Variants in LIMD1 observed in about 807,000 individuals in gnomAD.
LIMD1 encodes LIM domain containing 1.
LIMD1 carries 23 observed loss-of-function variants against 58.4 expected under a neutral mutation model. The observed-to-expected ratio is 0.39, with a 90% CI of 0.28 to 0.56. LIMD1 has a LOEUF of 0.56. Among genes scored for constraint, LIMD1 ranks in the 20% least tolerant of loss-of-function variants. The probability of loss-of-function intolerance (pLI) is 0.57; values close to 1 mark genes in which losing one functional copy is unlikely to be tolerated. For missense variants in LIMD1, 838 were observed against 855.5 expected (o/e 0.98, Z 0.25); for synonymous variants, 334 against 345.5 (o/e 0.97, Z 0.37).
intron 2 of LIMD1, among the ~76,000 whole-genome samples, chr3:45,650,195 CTCATT>C (rs1217697830): frequency 6.6e-6 from 1 of 152,102 alleles, no homozygotes; most frequent in Non-Finnish European, 1.5e-5. Context: ...TTCTTTTCCT[CTCATT>C]TCATTTTGGA....
intron 1 of LIMD1, among the ~76,000 whole-genome samples, chr3:45,610,668 C>T (rs1239187728): frequency 6.6e-6 from 1 of 152,084 alleles, no homozygotes; most frequent in African/African-American, 2.4e-5. Context: ...AGACCTTGGG[C>T]GGGTTGTTCA....
At chr3:45,676,668 C>G (rs1169835412) in intron 7 of LIMD1, among the ~76,000 whole-genome samples, 1 of 152,222 alleles carries the variant, frequency 6.6e-6, no homozygotes, top group African/African-American at 2.4e-5. Context: ...TTTACATCCT[C>G]TTTTTGTCCT....
chr3:45,625,887 G>C (rs747326056), intron 1 of LIMD1, among the ~76,000 whole-genome samples: 4 of 152,162 alleles, frequency 2.6e-5, no homozygotes, highest in Non-Finnish European at 4.4e-5. Context: ...GCACAAAATG[G>C]ATTAAGATAT....
At chr3:45,644,814 G>A (rs1701884520) in intron 2 of LIMD1, among the ~76,000 whole-genome samples, 1 of 152,196 alleles carries the variant, frequency 6.6e-6, no homozygotes, top group Non-Finnish European at 1.5e-5. Flanking sequence ...CTGCCTTGGG[G>A]TTGTGTGACA....
chr3:45,681,385 A>G lies in LIMD1; in HGVS notation c.*4326A>G, dbSNP rs1171734123. ...CATAGGTAGCAAACCTGTGAAGGGT[A>G]TGAGATTTTACCCTACTTGCAGGCT... is the stretch of plus-strand genomic sequence containing the variant. On this transcript the variant is annotated 3_prime_UTR_variant, in exon 8 of 8. Transcript: ENST00000273317. The G allele has an allele frequency of 1.3e-5, 2 of 152,218 alleles. No homozygotes were observed. The highest frequency in any genetic ancestry group is 1.3e-4 in the Admixed American group (2 of 15,284). The allele number at this position is 152,218 out of a possible 1,614,324, so 9.4% of individuals were successfully genotyped here.
In LIMD1 at chr3:45,683,251, G is replaced by A. The variant is rs1333094486; in HGVS notation, c.*6192G>A. ...GACAGGGACATCTCTGAAGGGGAGG[G>A]AAGCAGGAGATAGGGTCTGGAGGCA... On this transcript the variant is annotated 3_prime_UTR_variant, in exon 8 of 8. Transcript: ENST00000273317. The A allele has an allele frequency of 2.0e-5, 3 of 152,248 alleles. No homozygotes were observed. Among genetic ancestry groups the A allele is most frequent in the African/African-American group, 7.2e-5 (3 of 41,458 alleles). 9.4% of individuals were successfully genotyped at this position (152,248 alleles called of 1,614,324 possible).
chr3:45,641,230 T>C (rs1260927070), intron 2 of LIMD1, among the ~76,000 whole-genome samples: 3 of 152,186 alleles, frequency 2.0e-5, no homozygotes, highest in Non-Finnish European at 4.4e-5. Context: ...GCTATGGAGC[T>C]GGCATGGAAT....
intron 1 of LIMD1, among the ~76,000 whole-genome samples, chr3:45,607,781 G>A (rs1701481725): frequency 6.6e-6 from 1 of 152,200 alleles, no homozygotes; most frequent in South Asian, 2.1e-4. Context: ...TAAAGCAGGA[G>A]CAGATTTGCT....
chr3:45,669,491 A>C (rs541853694), intron 4 of LIMD1, among the ~76,000 whole-genome samples: 2 of 152,280 alleles, frequency 1.3e-5, no homozygotes, highest in African/African-American at 4.8e-5. Context: ...ACGAGTTTTC[A>C]CATGTGCATA....
chr3:45,608,361 G>A (rs1329930768), intron 1 of LIMD1, among the ~76,000 whole-genome samples: 3 of 152,084 alleles, frequency 2.0e-5, no homozygotes, highest in Non-Finnish European at 4.4e-5. Context: ...AACTTGCTTC[G>A]GACACCTTGT....
chr3:45,651,708 G>A (rs1335919846), intron 2 of LIMD1, among the ~76,000 whole-genome samples: 1 of 151,726 alleles, frequency 6.6e-6, no homozygotes, highest in South Asian at 2.1e-4. Flanking sequence ...TCTCAGCTCA[G>A]TGCAACCTCC....
intron 2 of LIMD1, among the ~76,000 whole-genome samples, chr3:45,657,932 C>T (rs141531222): frequency 3.3e-5 from 5 of 152,302 alleles, no homozygotes; most frequent in East Asian, 1.9e-4. Flanking sequence ...ACCCTTTCTA[C>T]GCTCACTGAA....
At chr3:45,659,059 A>C (rs1322988690) in intron 2 of LIMD1, among the ~76,000 whole-genome samples, 1 of 152,178 alleles carries the variant, frequency 6.6e-6, no homozygotes, top group Non-Finnish European at 1.5e-5. Context: ...TTCTAGAAAA[A>C]TTTAATATAG....
intron 1 of LIMD1, chr3:45,635,787 T>A: frequency 2.7e-6 from 1 of 376,310 alleles, no homozygotes; most frequent in Non-Finnish European, 3.6e-6. Context: ...TTTCCCAACC[T>A]GCATGCTTGG....
At chr3:45,644,863 G>A (rs1701885619) in intron 2 of LIMD1, among the ~76,000 whole-genome samples, 3 of 152,242 alleles carry the variant, frequency 2.0e-5, no homozygotes, top group Non-Finnish European at 1.5e-5. Flanking sequence ...AGTTGTGAGT[G>A]CAGGAGAGTG....
chr3:45,598,740 G>A (rs575391590), intron 1 of LIMD1, among the ~76,000 whole-genome samples: 1 of 152,302 alleles, frequency 6.6e-6, no homozygotes, highest in African/African-American at 2.4e-5. Context: ...GGGTGATCAG[G>A]GAATGTCCCA....
chr3:45,621,875 C>G (rs1701631280), intron 1 of LIMD1, among the ~76,000 whole-genome samples: 1 of 151,890 alleles, frequency 6.6e-6, no homozygotes, highest in Admixed American at 6.6e-5. Flanking sequence ...CCATCCTGGC[C>G]AAAATGCTGA....
At chr3:45,612,857 A>G (rs562613279) in intron 1 of LIMD1, 66 of 152,344 alleles carry the variant, frequency 4.3e-4, no homozygotes, top group African/African-American at 1.6e-3. Flanking sequence ...TAACCCCAAA[A>G]TTAATACTCA....
intron 2 of LIMD1, among the ~76,000 whole-genome samples, chr3:45,663,489 A>G (rs1279439100): frequency 6.6e-6 from 1 of 152,182 alleles, no homozygotes; most frequent in Non-Finnish European, 1.5e-5. Context: ...CCAATCTATG[A>G]AAGTGAGATA....
Sources: gnomAD v4.1 joint callset for allele counts (sites outside exome capture counted in the v4.1 genomes callset) on GRCh38, gnomAD v4.1.1 for gene constraint, MANE v1.5 for transcripts, NCBI Gene and HGNC (gene_info 2026-07-23, HGNC 2026-07-21) for gene names.